Variants in DGKG observed in about 807,000 individuals in gnomAD.
DGKG encodes the protein DAG kinase gamma.
In DGKG, 78 loss-of-function variants were observed where a neutral mutation model predicts 105.3. The observed-to-expected ratio is 0.74, with a 90% confidence interval of 0.62 to 0.89. DGKG has a LOEUF of 0.89. DGKG is among the 40% of genes least tolerant of loss of function. The probability of loss-of-function intolerance (pLI) is 0.00; values close to 1 mark genes in which losing one functional copy is unlikely to be tolerated. For synonymous variants in DGKG, 346 were observed against 367.1 expected (o/e 0.94, Z 0.66); for missense variants, 958 against 1,020.1 (o/e 0.94, Z 0.83).
intron 1 of DGKG, among the ~76,000 whole-genome samples, chr3:186,329,868 G>T (rs1660334578): frequency 6.6e-6 from 1 of 152,188 alleles, no homozygotes; most frequent in Non-Finnish European, 1.5e-5. Context: ...GACATTTACT[G>T]CAGTGCATGT....
intron 14 of DGKG, among the ~76,000 whole-genome samples, chr3:186,263,593 G>GCAAGCAAGCAAA (rs1384767982): frequency 2.1e-4 from 32 of 151,418 alleles, no homozygotes; most frequent in Non-Finnish European, 3.8e-4. Context: ...AAGCAAGCAA[G>GCAAGCAAGCAAA]CAAGCAAGCA....
At chr3:186,289,213 C>A (rs937527659) in intron 5 of DGKG, among the ~76,000 whole-genome samples, 1 of 152,170 alleles carries the variant, frequency 6.6e-6, no homozygotes, top group Non-Finnish European at 1.5e-5. Context: ...TTTTTGGGAA[C>A]ATACCCAACT....
chr3:186,342,764 T>C (rs1036005967), intron 1 of DGKG, among the ~76,000 whole-genome samples: 1 of 152,006 alleles, frequency 6.6e-6, no homozygotes, highest in Admixed American at 6.5e-5. Context: ...TCTAAAAAGT[T>C]AAAAAGAAGA....
At chr3:186,205,060 C>T (rs1578661660) in intron 21 of DGKG, among the ~76,000 whole-genome samples, 1 of 152,066 alleles carries the variant, frequency 6.6e-6, no homozygotes, top group East Asian at 1.9e-4. Context: ...AGTTCAAGAC[C>T]AGCCTGGCCA....
chr3:186,189,898 C>T (rs1020637684), intron 21 of DGKG, among the ~76,000 whole-genome samples: 1 of 152,140 alleles, frequency 6.6e-6, no homozygotes, highest in Non-Finnish European at 1.5e-5. Context: ...TGAACCCATA[C>T]AGAATGACCC....
At chr3:186,314,191 A>G (rs1033404112) in intron 2 of DGKG, among the ~76,000 whole-genome samples, 4,479 of 116,792 alleles carry the variant, frequency 0.038, 240 homozygotes, top group African/African-American at 0.11. Context: ...ACACACACAC[A>G]CACACACACA....
intron 24 of DGKG, 178 bp downstream of exon 24, chr3:186,161,425 T>C: frequency 7.0e-7 from 1 of 1,435,642 alleles, no homozygotes; most frequent in Non-Finnish European, 9.1e-7. Context: ...TAGCAGGTTT[T>C]CATTAAGAGT....
chr3:186,163,810 T>A (rs1400393519), intron 23 of DGKG, among the ~76,000 whole-genome samples: 1 of 152,094 alleles, frequency 6.6e-6, no homozygotes, highest in Non-Finnish European at 1.5e-5. Flanking sequence ...ATGGCTTAGA[T>A]GTGTTAACAG....
chr3:186,190,096 AC>A (rs749960796), intron 21 of DGKG, among the ~76,000 whole-genome samples: 3 of 152,218 alleles, frequency 2.0e-5, no homozygotes, highest in Non-Finnish European at 4.4e-5. Flanking sequence ...AAACTGAGGC[AC>A]AGAGGAGGTT....
chr3:186,335,082 C>G (rs948733823), intron 1 of DGKG, among the ~76,000 whole-genome samples: 9 of 152,168 alleles, frequency 5.9e-5, no homozygotes, highest in Non-Finnish European at 1.2e-4. Context: ...GCCCTTGGGT[C>G]TAACCCAAGT....
chr3:186,214,186 A>G (rs770520125), intron 20 of DGKG, among the ~76,000 whole-genome samples: 2 of 152,254 alleles, frequency 1.3e-5, no homozygotes, highest in East Asian at 3.8e-4. Context: ...TTAGGTCAGC[A>G]TCGCAGAATA....
intron 20 of DGKG, among the ~76,000 whole-genome samples, chr3:186,220,762 C>T (rs894492428): frequency 1.3e-5 from 2 of 152,188 alleles, no homozygotes; most frequent in African/African-American, 4.8e-5. Flanking sequence ...CCATAAGCCT[C>T]ATATTTAGAG....
chr3:186,195,920 C>CT (rs1358278873), intron 21 of DGKG, among the ~76,000 whole-genome samples: 11 of 152,064 alleles, frequency 7.2e-5, no homozygotes, highest in African/African-American at 2.4e-4. Context: ...TTGGTTGTCT[C>CT]TTTTTTGTGA....
chr3:186,257,712 T>A, intron 17 of DGKG, 142 bp downstream of exon 17: 6 of 570,980 alleles, frequency 1.1e-5, no homozygotes, highest in South Asian at 2.2e-5. Context: ...CCAAAGCAAA[T>A]ATTTAGTCAA....
chr3:186,299,841 T>TTTCTTTCTTTCTTTCTTTCCTTCCTTC (rs1446531456), intron 3 of DGKG, among the ~76,000 whole-genome samples: 7 of 74,652 alleles, frequency 9.4e-5, no homozygotes, highest in African/African-American at 3.5e-4. Context: ...TTCTTTCTTT[T>TTTCTTTCTTTCTTTCTTTCCTTCCTTC]TTTTTTTTTT....
intron 11 of DGKG, among the ~76,000 whole-genome samples, chr3:186,269,835 C>G (rs1465950501): frequency 6.6e-6 from 1 of 152,168 alleles, no homozygotes; most frequent in Non-Finnish European, 1.5e-5. Flanking sequence ...CACTTGGAAA[C>G]AGGTGGGAAT....
In DGKG at chr3:186,255,668, G is replaced by A. The variant is rs141028739; in HGVS notation, c.1510+2186C>T. Reference sequence around the variant, plus strand: ...GTGCGCAGCAGCTGGACCACCCAGGGCCCTGTAGATTACTTCAAGGGTTTT... The same window carrying A: ...GTGCGCAGCAGCTGGACCACCCAGGACCCTGTAGATTACTTCAAGGGTTTT... On this transcript the variant is annotated intron_variant, in intron 17 of 24. Coordinates refer to ENST00000265022, the MANE Select transcript of DGKG (RefSeq NM_001346.3). 4.6e-5 allele frequency among the ~76,000 whole-genome samples: 7 copies of A among 152,336 alleles called. No individual in the cohort carries two copies. The East Asian group carries it at 1.4e-3, about 29-fold the overall frequency.
intron 24 of DGKG, 27 bp downstream of exon 24, chr3:186,161,576 C>T: frequency 1.9e-6 from 3 of 1,613,954 alleles, no homozygotes; most frequent in Non-Finnish European, 2.5e-6. Flanking sequence ...GCTTCTCATC[C>T]CCATCTCAAA....
At chr3:186,276,224 G>A (rs1019053141) in intron 9 of DGKG, among the ~76,000 whole-genome samples, 5 of 152,334 alleles carry the variant, frequency 3.3e-5, no homozygotes, top group Non-Finnish European at 5.9e-5. Context: ...CTGATGTAAT[G>A]TTAGGTGGCA....
Sources: allele counts gnomAD v4.1 joint callset (sites outside exome capture counted in the v4.1 genomes callset), GRCh38; gene constraint gnomAD v4.1.1; transcripts MANE v1.5; gene names NCBI Gene and HGNC (gene_info 2026-07-23, HGNC 2026-07-21).